The following MBNL1 variants were observed in gnomAD, a reference collection of about 807,000 sequenced individuals.
The protein encoded by MBNL1 is muscleblind like splicing regulator 1.
MBNL1 carries 8 observed loss-of-function variants against 42.2 expected under a neutral mutation model. The observed-to-expected ratio is 0.19, with a 90% CI of 0.11 to 0.34. The LOEUF (loss-of-function observed/expected upper bound fraction) is 0.34. Ranked by LOEUF, MBNL1 falls within the 10% of genes least tolerant of loss-of-function variation. The pLI is 1.00. For synonymous variants in MBNL1, 169 were observed against 173.9 expected, an observed-to-expected ratio of 0.97 and a Z score of 0.22; for missense variants, 309 against 495.3, an observed-to-expected ratio of 0.62 and a Z score of 3.57.
At chr3:152,454,273 G>C (rs1729331911) in intron 6 of MBNL1, among the ~76,000 whole-genome samples, 1 of 152,150 alleles carries the variant, frequency 6.6e-6, no homozygotes, top group African/African-American at 2.4e-5. Flanking sequence ...ACTAATCGCA[G>C]CTGTTACAGA....
chr3:152,302,208 G>A (rs2060994584), intron 2 of MBNL1: 1 of 152,096 alleles, frequency 6.6e-6, no homozygotes, highest in South Asian at 2.1e-4. Context: ...GATTTTAAAT[G>A]TATTTATGAA....
At position 152,358,005 on chromosome 3, in the gene MBNL1, G is replaced by GTC. The variant is rs1458861893; in HGVS notation, c.175-56935_175-56934insCT. ...TGAAGTTAGAAGGGTGTGTGTGTGT[G>GTC]TGTGCGCACGCACGTGCGTGTATCT... is the stretch of plus-strand genomic sequence containing the variant. On this transcript the variant is annotated intron_variant, in intron 2 of 9. Transcript: ENST00000324210. 2.0e-5 allele frequency among the ~76,000 whole-genome samples: 3 copies of GTC among 152,106 alleles called. No homozygotes were observed. The South Asian group carries it at 6.2e-4, about 32-fold the overall frequency.
chr3:152,443,485 T>TACAC (rs150370083), intron 4 of MBNL1, among the ~76,000 whole-genome samples: 1,999 of 144,956 alleles, frequency 0.014, 30 homozygotes, highest in African/African-American at 0.044. Flanking sequence ...ATATTTAGCA[T>TACAC]ACACACACAC....
rs904600078 is a variant in MBNL1 at position 152,299,663 on chromosome 3, GAAA to G, written c.-523_-521del. 6 of 384,512 alleles carry G rather than the reference GAAA, an allele frequency of 1.6e-5. No individual in the cohort carries two copies. The highest frequency in any genetic ancestry group is 6.5e-4 in the Middle Eastern group (1 of 1,550). The allele number at this position is 384,512 out of a possible 1,614,324, so 23.8% of individuals were successfully genotyped here. On this transcript the variant is annotated 5_prime_UTR_variant, in exon 2 of 10. Coordinates refer to ENST00000324210, the MANE Select transcript of MBNL1 (RefSeq NM_021038.5). ...TATCTTCTGCCAGGAAATCAAGGAG[GAAA>G]AAAAAAATCATTTTCTCGATTTTGC...
intron 2 of MBNL1, among the ~76,000 whole-genome samples, chr3:152,399,123 C>T (rs1560443241): frequency 6.6e-6 from 1 of 152,100 alleles, no homozygotes. Context: ...GTTTCTAGTT[C>T]ATTTTGTGTT....
chr3:152,327,160 A>G (rs758451743), intron 2 of MBNL1, among the ~76,000 whole-genome samples: 1 of 152,000 alleles, frequency 6.6e-6, no homozygotes, highest in Non-Finnish European at 1.5e-5. Context: ...ATATGTTTTG[A>G]TAACATTGTT....
At chr3:152,277,782 A>G (rs1422900975) in intron 1 of MBNL1, among the ~76,000 whole-genome samples, 2 of 152,140 alleles carry the variant, frequency 1.3e-5, no homozygotes, top group African/African-American at 4.8e-5. Context: ...ATACAGAGAA[A>G]AATTCCCATG....
At chr3:152,401,006 A>G (rs2098193759) in intron 2 of MBNL1, among the ~76,000 whole-genome samples, 1 of 152,100 alleles carries the variant, frequency 6.6e-6, no homozygotes, top group Non-Finnish European at 1.5e-5. Context: ...TATGCCTGGG[A>G]CCCAGCCAAA....
intron 2 of MBNL1, among the ~76,000 whole-genome samples, chr3:152,409,265 T>G (rs2098510529): frequency 6.6e-6 from 1 of 152,172 alleles, no homozygotes. Flanking sequence ...CACTAGATAC[T>G]TGTAATTTTT....
At chr3:152,266,499 A>C (rs2037248929), upstream of MBNL1, 1 of 152,238 alleles carries the variant, frequency 6.6e-6, no homozygotes, top group African/African-American at 2.4e-5. Context: ...TGAAAAAAGA[A>C]CACTACAGTT....
chr3:152,374,394 T>C (rs1208767836), intron 2 of MBNL1, among the ~76,000 whole-genome samples: 1 of 152,228 alleles, frequency 6.6e-6, no homozygotes, highest in Non-Finnish European at 1.5e-5. Context: ...AAAGTATGTA[T>C]TACTACTTTC....
intron 3 of MBNL1, among the ~76,000 whole-genome samples, chr3:152,420,777 T>G (rs929654358): frequency 2.0e-5 from 3 of 152,116 alleles, no homozygotes; most frequent in African/African-American, 4.8e-5. Context: ...GTTTGACAAA[T>G]TGACAGAAGT....
intron 2 of MBNL1, among the ~76,000 whole-genome samples, chr3:152,366,330 C>G (rs1230780158): frequency 6.6e-6 from 1 of 152,078 alleles, no homozygotes; most frequent in Non-Finnish European, 1.5e-5. Flanking sequence ...AAAGTACACA[C>G]CTTTCATCAC....
intron 1 of MBNL1, among the ~76,000 whole-genome samples, chr3:152,287,110 C>A (rs927618850): frequency 1.3e-5 from 2 of 151,262 alleles, no homozygotes; most frequent in African/African-American, 4.9e-5. Flanking sequence ...CCCAGCTACT[C>A]AGGAGGCTGA....
upstream of MBNL1, chr3:152,268,687 GGCGACCGCCCATGACCC>G (rs992443295): frequency 3.2e-5 from 14 of 442,232 alleles, no homozygotes; most frequent in African/African-American, 2.2e-4. Flanking sequence ...GGCGCCGCTG[GGCGACCGCCCATGACCC>G]GCTCTTGCGG....
At chr3:152,422,193 G>T (rs899681266) in intron 3 of MBNL1, among the ~76,000 whole-genome samples, 1 of 149,648 alleles carries the variant, frequency 6.7e-6, no homozygotes, top group Non-Finnish European at 1.5e-5. Context: ...CCCATCCTAC[G>T]TGCAAAGACA....
intron 8 of MBNL1, chr3:152,458,491 A>C (rs1205955174): frequency 3.1e-6 from 1 of 323,732 alleles, no homozygotes; most frequent in African/African-American, 2.1e-5. Flanking sequence ...GCTCAGGGTC[A>C]CACAGCCAGT....
At chr3:152,274,842 G>A (rs1443813759) in intron 1 of MBNL1, among the ~76,000 whole-genome samples, 2 of 151,864 alleles carry the variant, frequency 1.3e-5, no homozygotes, top group African/African-American at 4.8e-5. Flanking sequence ...CCACTAAATA[G>A]TTACAAACTG....
chr3:152,268,910 C>T (rs1402071095), upstream of MBNL1: 4 of 455,616 alleles, frequency 8.8e-6, no homozygotes, highest in African/African-American at 6.0e-5. Flanking sequence ...CGATAAGAGG[C>T]TGCACAGCGA....
Sources: gnomAD v4.1 joint callset for allele counts (sites outside exome capture counted in the v4.1 genomes callset) on GRCh38, gnomAD v4.1.1 for gene constraint, MANE v1.5 for transcripts, NCBI Gene and HGNC (gene_info 2026-07-23, HGNC 2026-07-21) for gene names.